GRIA4: variants seen among roughly 807,000 people sequenced by gnomAD.
GRIA4 encodes the protein glutamate ionotropic receptor AMPA type subunit 4.
GRIA4 carries 34 observed loss-of-function variants against 104.0 expected under a neutral mutation model. That is an observed-to-expected ratio of 0.33 (90% CI 0.25 to 0.44). GRIA4 has a LOEUF of 0.44. GRIA4 is among the 20% of genes least tolerant of loss of function. The pLI is 1.00. For missense variants in GRIA4, 750 were observed against 1,096.5 expected, an observed-to-expected ratio of 0.68 and a Z score of 4.46; for synonymous variants, 386 against 381.9, an observed-to-expected ratio of 1.01 and a Z score of -0.13.
chr11:105,625,316 A>G (rs553003586), intron 3 of GRIA4, among the ~76,000 whole-genome samples: 2 of 152,238 alleles, frequency 1.3e-5, no homozygotes, highest in East Asian at 3.9e-4. Flanking sequence ...GTAGGGGAGA[A>G]AGAGAGAGAA....
chr11:105,889,476 C>T (rs1323783376), intron 6 of GRIA4, among the ~76,000 whole-genome samples: 3 of 152,130 alleles, frequency 2.0e-5, no homozygotes, highest in East Asian at 3.8e-4. Flanking sequence ...AGGACTATTA[C>T]TTATAACACT....
chr11:105,675,813 C>A (rs917000057), intron 3 of GRIA4, among the ~76,000 whole-genome samples: 24 of 151,874 alleles, frequency 1.6e-4, no homozygotes, highest in African/African-American at 5.8e-4. Context: ...ATATGGGAAT[C>A]TCTTAAATTA....
intron 3 of GRIA4, among the ~76,000 whole-genome samples, chr11:105,650,001 GA>G (rs1157132593): frequency 2.6e-5 from 4 of 151,878 alleles, no homozygotes; most frequent in African/African-American, 9.7e-5. Flanking sequence ...TGTTAAAACA[GA>G]AAAATAAAAT....
intron 3 of GRIA4, among the ~76,000 whole-genome samples, chr11:105,639,720 T>C (rs1457125301): frequency 6.6e-6 from 1 of 152,004 alleles, no homozygotes; most frequent in Non-Finnish European, 1.5e-5. Context: ...TAAATTACTT[T>C]CCTAAAGTGA....
rs1256990048 is a variant in GRIA4 at position 105,774,888 on chromosome 11, G to A, written c.487+21668G>A. Among the ~76,000 whole-genome samples the A allele has an allele frequency of 2.0e-5, 3 of 152,128 alleles. No individual in the cohort carries two copies. The South Asian group carries it at 6.2e-4, about 32-fold the overall frequency. On this transcript the variant is annotated intron_variant, in intron 4 of 16. Transcript: ENST00000282499. Reference sequence around the variant, plus strand: ...TATATATTAGTTTTCTATGGATGCTGTAATAAATTACTGCAAAGTCAGTGA... The same window carrying A: ...TATATATTAGTTTTCTATGGATGCTATAATAAATTACTGCAAAGTCAGTGA...
At chr11:105,668,102 C>A (rs1196695281) in intron 3 of GRIA4, among the ~76,000 whole-genome samples, 1 of 150,848 alleles carries the variant, frequency 6.6e-6, no homozygotes, top group Admixed American at 6.7e-5. Flanking sequence ...CAGTATTTGT[C>A]TTTCTGTTTC....
At chr11:105,683,184 G>T (rs765088081) in intron 3 of GRIA4, among the ~76,000 whole-genome samples, 4 of 151,698 alleles carry the variant, frequency 2.6e-5, no homozygotes, top group Non-Finnish European at 4.4e-5. Context: ...ACTTTTTTAG[G>T]TATTTAATGC....
intron 5 of GRIA4, among the ~76,000 whole-genome samples, chr11:105,880,941 G>A (rs1482605380): frequency 6.6e-6 from 1 of 152,120 alleles, no homozygotes; most frequent in African/African-American, 2.4e-5. Flanking sequence ...CTACTACAAT[G>A]GTTTACTTGG....
intron 3 of GRIA4, among the ~76,000 whole-genome samples, chr11:105,713,790 T>G (rs1432883014): frequency 6.6e-6 from 1 of 152,180 alleles, no homozygotes; most frequent in Non-Finnish European, 1.5e-5. Flanking sequence ...AGGTCCAGAA[T>G]GGAAATTTTA....
intron 4 of GRIA4, among the ~76,000 whole-genome samples, chr11:105,782,776 A>G (rs1372040326): frequency 6.6e-6 from 1 of 152,154 alleles, no homozygotes; most frequent in Non-Finnish European, 1.5e-5. Flanking sequence ...CAAGATGACA[A>G]TTCACGAACA....
chr11:105,936,424 G>A (rs780580740), intron 14 of GRIA4, among the ~76,000 whole-genome samples: 3 of 151,890 alleles, frequency 2.0e-5, no homozygotes, highest in Non-Finnish European at 4.4e-5. Flanking sequence ...AGGTCTTTAG[G>A]TTAATAGTTC....
intron 10 of GRIA4, chr11:105,913,204 A>G (rs1947305827): frequency 2.7e-6 from 1 of 365,592 alleles, no homozygotes; most frequent in African/African-American, 2.2e-5. Context: ...GCACTCAATG[A>G]AACTTATAGT....
intron 3 of GRIA4, among the ~76,000 whole-genome samples, chr11:105,663,052 C>G (rs1035471216): frequency 6.6e-6 from 1 of 151,806 alleles, no homozygotes; most frequent in East Asian, 1.9e-4. Context: ...ATCCTTGTAG[C>G]CTATCTTTAT....
intron 3 of GRIA4, among the ~76,000 whole-genome samples, chr11:105,673,914 C>T (rs1387725074): frequency 6.6e-6 from 1 of 151,856 alleles, no homozygotes; most frequent in Non-Finnish European, 1.5e-5. Flanking sequence ...AATATAGATT[C>T]AAAGTCAAGG....
At chr11:105,682,561 C>T (rs190702350) in intron 3 of GRIA4, among the ~76,000 whole-genome samples, 2 of 152,298 alleles carry the variant, frequency 1.3e-5, no homozygotes, top group Admixed American at 1.3e-4. Flanking sequence ...AAGCAACTAG[C>T]AACCAACTCA....
At chr11:105,823,717 C>T (rs1460082500) in intron 4 of GRIA4, among the ~76,000 whole-genome samples, 1 of 152,012 alleles carries the variant, frequency 6.6e-6, no homozygotes, top group Non-Finnish European at 1.5e-5. Flanking sequence ...TAATTATTGC[C>T]TTCTACATGG....
chr11:105,729,224 C>T (rs113182841), intron 3 of GRIA4, among the ~76,000 whole-genome samples: 186 of 152,258 alleles, frequency 1.2e-3, no homozygotes, highest in African/African-American at 4.2e-3. Context: ...ACTATAAACA[C>T]ACCTATGCAA....
At chr11:105,914,838 G>T (rs1388533519) in intron 10 of GRIA4, among the ~76,000 whole-genome samples, 2 of 152,014 alleles carry the variant, frequency 1.3e-5, no homozygotes, top group Middle Eastern at 3.2e-3. Context: ...TTGAACACTT[G>T]GGAATTCATA....
At chr11:105,750,720 G>C (rs1347739958) in intron 3 of GRIA4, among the ~76,000 whole-genome samples, 4 of 152,122 alleles carry the variant, frequency 2.6e-5, no homozygotes, top group Non-Finnish European at 5.9e-5. Context: ...TGTTGTTTTT[G>C]AACTTGAGCA....
Sources: allele counts gnomAD v4.1 joint callset (sites outside exome capture counted in the v4.1 genomes callset), GRCh38; gene constraint gnomAD v4.1.1; transcripts MANE v1.5; gene names NCBI Gene and HGNC (gene_info 2026-07-23, HGNC 2026-07-21).